The following GRM3 variants were observed in gnomAD, a reference collection of about 807,000 sequenced individuals.
GRM3 encodes the protein glutamate metabotropic receptor 3.
A neutral mutation model predicts 70.5 loss-of-function variants in GRM3; 26 were observed. The observed-to-expected ratio is 0.37, with a 90% CI of 0.27 to 0.51. GRM3 has a LOEUF of 0.51. Among genes scored for constraint, GRM3 ranks in the 20% least tolerant of loss-of-function variants. The pLI is 0.93. For missense variants in GRM3, 859 were observed against 1,123.8 expected (o/e 0.76, Z 3.37); for synonymous variants, 443 against 434.9 (o/e 1.02, Z -0.23).
chr7:86,729,585 G>A (rs962500363), intron 1 of GRM3, among the ~76,000 whole-genome samples: 4 of 152,098 alleles, frequency 2.6e-5, no homozygotes, highest in African/African-American at 4.8e-5. Flanking sequence ...TATGGCTTAT[G>A]TATTGGTTGT....
At chr7:86,844,474 G>A (rs1254623128) in intron 4 of GRM3, among the ~76,000 whole-genome samples, 2 of 152,168 alleles carry the variant, frequency 1.3e-5, no homozygotes, top group Non-Finnish European at 2.9e-5. Flanking sequence ...ATAAGCCATA[G>A]CAAAGAGTTT....
intron 1 of GRM3, among the ~76,000 whole-genome samples, chr7:86,701,969 A>G (rs1373939615): frequency 2.0e-5 from 3 of 152,016 alleles, no homozygotes; most frequent in Non-Finnish European, 4.4e-5. Flanking sequence ...ACTGACAAGC[A>G]GAGAGATTCA....
intron 3 of GRM3, among the ~76,000 whole-genome samples, chr7:86,834,001 C>T (rs1213919349): frequency 6.6e-6 from 1 of 152,110 alleles, no homozygotes; most frequent in Admixed American, 6.6e-5. Flanking sequence ...TGTTTATTCA[C>T]CACCCACTTT....
intron 1 of GRM3, among the ~76,000 whole-genome samples, chr7:86,665,935 A>G (rs913822659): frequency 1.3e-5 from 2 of 152,040 alleles, no homozygotes; most frequent in African/African-American, 4.8e-5. Flanking sequence ...GGACTACACA[A>G]TAATGTGGGC....
chr7:86,770,630 G>A (rs1273336690), intron 2 of GRM3, among the ~76,000 whole-genome samples: 1 of 152,006 alleles, frequency 6.6e-6, no homozygotes, highest in Non-Finnish European at 1.5e-5. Context: ...GACCACCGCT[G>A]GTCAATTTGT....
chr7:86,708,524 GACA>G (rs1041011509), intron 1 of GRM3, among the ~76,000 whole-genome samples: 1 of 152,130 alleles, frequency 6.6e-6, no homozygotes, highest in Non-Finnish European at 1.5e-5. Flanking sequence ...GCTCAGCGTT[GACA>G]ACAACTACTG....
intron 1 of GRM3, among the ~76,000 whole-genome samples, chr7:86,713,730 T>C (rs1414004024): frequency 1.3e-5 from 2 of 152,050 alleles, no homozygotes; most frequent in African/African-American, 4.8e-5. Flanking sequence ...ACTATCTTTA[T>C]GTTTCTTACA....
chr7:86,679,001 G>A (rs1394858206), intron 1 of GRM3, among the ~76,000 whole-genome samples: 1 of 152,022 alleles, frequency 6.6e-6, no homozygotes, highest in East Asian at 1.9e-4. Flanking sequence ...TATCACTATG[G>A]TCAAGATAGA....
chr7:86,762,435 CTG>C (rs1238917581), intron 1 of GRM3, among the ~76,000 whole-genome samples: 1 of 152,012 alleles, frequency 6.6e-6, no homozygotes, highest in African/African-American at 2.4e-5. Flanking sequence ...AAGCAGAAAT[CTG>C]TGTTTTAAAG....
chr7:86,711,098 A>G (rs1295110945), intron 1 of GRM3, among the ~76,000 whole-genome samples: 1 of 152,002 alleles, frequency 6.6e-6, no homozygotes, highest in Non-Finnish European at 1.5e-5. Flanking sequence ...CCTCATCTAT[A>G]AAGTAGGGAC....
chr7:86,829,852 G>A (rs1798315368), intron 3 of GRM3, among the ~76,000 whole-genome samples: 1 of 152,212 alleles, frequency 6.6e-6, no homozygotes. Flanking sequence ...AGAGCATGCT[G>A]TTGGAAAAAT....
chr7:86,834,984 T>C (rs1798426896), intron 3 of GRM3, among the ~76,000 whole-genome samples: 1 of 152,124 alleles, frequency 6.6e-6, no homozygotes, highest in Admixed American at 6.5e-5. Context: ...AATTCTGATA[T>C]TGATTACTAT....
intron 3 of GRM3, among the ~76,000 whole-genome samples, chr7:86,837,568 C>T (rs1037756352): frequency 6.6e-6 from 1 of 152,158 alleles, no homozygotes. Context: ...AATTTCTAAT[C>T]AATGAAGTAT....
intron 1 of GRM3, among the ~76,000 whole-genome samples, chr7:86,724,108 T>C (rs1795536717): frequency 6.6e-6 from 1 of 152,162 alleles, no homozygotes; most frequent in Admixed American, 6.5e-5. Flanking sequence ...CACTAACATT[T>C]CAATTAACGC....
intron 1 of GRM3, among the ~76,000 whole-genome samples, chr7:86,724,515 C>T (rs541302817): frequency 7.9e-5 from 12 of 152,150 alleles, no homozygotes; most frequent in Admixed American, 2.0e-4. Context: ...TACAGTAATA[C>T]GCTGGAGAAC....
At chr7:86,653,805 TTAATA>T (rs1316120541) in intron 1 of GRM3, among the ~76,000 whole-genome samples, 1 of 152,060 alleles carries the variant, frequency 6.6e-6, no homozygotes, top group Non-Finnish European at 1.5e-5. Context: ...ATCATTAATA[TTAATA>T]TATTAGAAAG....
intron 1 of GRM3, among the ~76,000 whole-genome samples, chr7:86,681,366 T>G (rs1794436651): frequency 6.6e-6 from 1 of 152,126 alleles, no homozygotes; most frequent in South Asian, 2.1e-4. Context: ...TGCCATCAGT[T>G]TCTAAGATTA....
chr7:86,803,960 G>A (rs541718282), intron 3 of GRM3, among the ~76,000 whole-genome samples: 61 of 152,156 alleles, frequency 4.0e-4, no homozygotes, highest in South Asian at 2.1e-3. Flanking sequence ...CCACAATCCC[G>A]TGAAGGTGGT....
chr7:86,811,488 T>C (rs182087983), intron 3 of GRM3, among the ~76,000 whole-genome samples: 12 of 151,866 alleles, frequency 7.9e-5, no homozygotes, highest in Admixed American at 1.3e-4. Flanking sequence ...CCATTCAGCA[T>C]AGATGAATAG....
Sources: gnomAD v4.1 joint callset for allele counts (sites outside exome capture counted in the v4.1 genomes callset) on GRCh38, gnomAD v4.1.1 for gene constraint, MANE v1.5 for transcripts, NCBI Gene and HGNC (gene_info 2026-07-23, HGNC 2026-07-21) for gene names.